The following FUBP3 variants were observed in gnomAD, a reference collection of about 807,000 sequenced individuals.
FUBP3 encodes far upstream element binding protein 3, also known as far upstream element-binding protein 3.
Under a neutral mutation model 85.6 loss-of-function variants are expected in FUBP3, and 28 were observed. The ratio of observed to expected loss-of-function variants is 0.33; its 90% CI spans 0.24 to 0.45. The LOEUF is 0.45. Ranked by LOEUF, FUBP3 falls within the 20% of genes least tolerant of loss-of-function variation. The probability of loss-of-function intolerance (pLI) is 1.00; values close to 1 mark genes in which losing one functional copy is unlikely to be tolerated. For missense variants in FUBP3, 583 were observed against 755.1 expected (o/e 0.77, Z 2.67); for synonymous variants, 271 against 271.4 (o/e 1.00, Z 0.01).
intron 5 of FUBP3, 95 bp from the exon 6 acceptor site, chr9:130,614,193 T>C: frequency 1.4e-6 from 1 of 699,188 alleles, no homozygotes; most frequent in Non-Finnish European, 2.6e-6. Flanking sequence ...TCTGCAGGGC[T>C]GGCGTAGGAA....
At chr9:130,632,632 C>G (rs1461700689) in intron 16 of FUBP3, among the ~76,000 whole-genome samples, 1 of 152,246 alleles carries the variant, frequency 6.6e-6, no homozygotes, top group African/African-American at 2.4e-5. Context: ...TTCTCCACCC[C>G]TTGAGGGGCT....
intron 3 of FUBP3, among the ~76,000 whole-genome samples, chr9:130,610,625 C>A (rs1351964195): frequency 6.6e-6 from 1 of 152,184 alleles, no homozygotes; most frequent in Non-Finnish European, 1.5e-5. Context: ...CATAGTGTAT[C>A]GCCCTTCAAA....
In FUBP3 at chr9:130,636,038, C is replaced by G; in HGVS notation, c.1622C>G (p.Pro541Arg). The G allele has an allele frequency of 1.3e-6, 2 of 1,584,314 alleles. No individual in the cohort carries two copies. Among genetic ancestry groups the G allele is most frequent in the Non-Finnish European group, 1.7e-6 (2 of 1,167,060 alleles). Residue 541 changes from proline to arginine, a missense_variant, in exon 18 of 19, where the codon CCG (proline) becomes CGG (arginine). Transcript: ENST00000319725. ...GCTGCTCCTCAGGCCAGCTCCCCAC[C>G]GGACTACACAATGGCCTGGGCAGAA... ...ASAAPQASSP[P>R]DYTMAWAEYY...
intron 2 of FUBP3, among the ~76,000 whole-genome samples, chr9:130,606,367 A>C (rs1462957103): frequency 6.6e-6 from 1 of 152,032 alleles, no homozygotes; most frequent in African/African-American, 2.4e-5. Context: ...CAGTTATAAA[A>C]ACTGGTATTC....
At position 130,587,828 on chromosome 9, in the gene FUBP3, T is replaced by C. The variant is rs116113259; in HGVS notation, c.85-7655T>C. On this transcript the variant is annotated intron_variant, in intron 1 of 18. Coordinates refer to ENST00000319725, the MANE Select transcript of FUBP3 (RefSeq NM_003934.2). ...CTCAGCTCTCATAGTGGGGAGACAG[T>C]GTAACCAACATAACATACTCGGTGA... 5.7e-3 allele frequency among the ~76,000 whole-genome samples: 863 copies of C among 152,240 alleles called. 12 individuals carry two copies. The highest frequency in any genetic ancestry group is 0.019 in the African/African-American group (801 of 41,538).
chr9:130,581,899 A>G (rs1481860955), intron 1 of FUBP3: 1 of 152,118 alleles, frequency 6.6e-6, no homozygotes, highest in African/African-American at 2.4e-5. Flanking sequence ...TGCAGTTTCT[A>G]TTAAGTTTGG....
chr9:130,613,402 G>A (rs1831849109), intron 5 of FUBP3, among the ~76,000 whole-genome samples: 1 of 152,202 alleles, frequency 6.6e-6, no homozygotes, highest in Non-Finnish European at 1.5e-5. Flanking sequence ...ATCAGGGGAG[G>A]CTCCCATGGA....
rs561638375 is a variant in FUBP3, at chr9:130,623,991, G to A, written c.975+280G>A. Among the ~76,000 whole-genome samples the A allele has an allele frequency of 1.5e-3, 229 of 151,950 alleles. 1 individual carries two copies. The highest frequency in any genetic ancestry group is 5.2e-3 in the African/African-American group (217 of 41,376). On this transcript the variant is annotated intron_variant, in intron 11 of 18. Transcript: ENST00000319725. ...TGGGGAAATACCATGGAGATTGGTC[G>A]CCAAGTTTCAAATAATCAAGTGTAT... is the stretch of plus-strand genomic sequence containing the variant.
chr9:130,621,255 A>G (rs1356267774), intron 9 of FUBP3, among the ~76,000 whole-genome samples: 1 of 151,364 alleles, frequency 6.6e-6, no homozygotes, highest in Admixed American at 6.6e-5. Flanking sequence ...AGGCTTAGGC[A>G]GGAGTACTGC....
At chr9:130,610,136 A>G in intron 3 of FUBP3, 149 bp downstream of exon 3, 2 of 649,530 alleles carry the variant, frequency 3.1e-6, no homozygotes, top group Non-Finnish European at 5.4e-6. Flanking sequence ...TTTGCTAGCC[A>G]TTTCTAAGAT....
In FUBP3 at chr9:130,626,512, G is replaced by A; in HGVS notation, c.1117+7G>A. Reference sequence around the variant, plus strand: ...GGCCTCGTCATAGGCAAAGGTAAGAGGCAGCTGGGGTTTCACATCCCCCCT... The same window carrying A: ...GGCCTCGTCATAGGCAAAGGTAAGAAGCAGCTGGGGTTTCACATCCCCCCT... On this transcript the variant is annotated splice_region_variant and intron_variant, in intron 12 of 18. Transcript: ENST00000319725. The A allele has an allele frequency of 6.2e-7, 1 of 1,613,228 alleles. No homozygotes were observed. Among genetic ancestry groups the A allele is most frequent in the Non-Finnish European group, 8.5e-7 (1 of 1,179,264 alleles).
chr9:130,614,180 G>A lies in FUBP3; in HGVS notation c.347-108G>A, dbSNP rs1588144460. 7 of 628,504 alleles carry A rather than the reference G, an allele frequency of 1.1e-5. No individual in the cohort carries two copies. The East Asian group carries it at 1.9e-4, about 17-fold the overall frequency. 38.9% of individuals were successfully genotyped at this position (628,504 alleles called of 1,614,324 possible). Reference sequence around the variant, plus strand: ...AAACTGTCTTTTTCTGGGAGCCTGGGCCTCTGCAGGGCTGGCGTAGGAAGC... The same window carrying A: ...AAACTGTCTTTTTCTGGGAGCCTGGACCTCTGCAGGGCTGGCGTAGGAAGC... On this transcript the variant is annotated intron_variant, in intron 5 of 18. Transcript: ENST00000319725.
intron 13 of FUBP3, chr9:130,631,020 C>A: frequency 1.5e-6 from 1 of 655,914 alleles, no homozygotes; most frequent in Non-Finnish European, 2.2e-6. Flanking sequence ...AAGGCCGCAG[C>A]AGCCGAGGCC....
rs1830035782 is a variant in FUBP3 at position 130,579,579 on chromosome 9, T to G, written c.-102T>G. ...CCGCCGGAAGTAGGGCGACTTTCCT[T>G]TTCCGGCTACGGGTCCCCAAGCGGA... On this transcript the variant is annotated 5_prime_UTR_variant, in exon 1 of 19. Transcript: ENST00000319725. 1.4e-6 allele frequency: 1 copy of G among 731,510 alleles called. No homozygotes were observed. The highest frequency in any genetic ancestry group is 1.9e-6 in the Non-Finnish European group (1 of 535,096). 45.3% of individuals were successfully genotyped at this position (731,510 alleles called of 1,614,324 possible). A position where few individuals can be genotyped will look rare whatever the true frequency, so the allele number is the denominator to read the frequency against.
Position 130,630,702 on chromosome 9 carries a change from A to T in FUBP3, c.1192A>T (p.Ser398Cys). The part of the protein sequence containing the change: ...VELQRNPPPN[S>C]DPNLRRFTIR... ...GCTTCAGAGGAACCCCCCTCCCAAC[A>T]GCGACCCCAACCTGCGGAGATTCAC... Residue 398 changes from serine (S) to cysteine (C), a missense_variant, in exon 13 of 19, where the codon AGC (serine) becomes TGC (cysteine). Ser to Cys is a moderately radical substitution (Grantham distance 112, BLOSUM62 -1). This residue lies in a region of FUBP3 where 404 missense variants were observed against 516.8 expected (regional missense o/e 0.78). Transcript: ENST00000319725. 6.3e-7 allele frequency: 1 copy of T among 1,596,428 alleles called. No homozygotes were observed. The highest frequency in any genetic ancestry group is 1.7e-4 in the Middle Eastern group (1 of 5,982).
Position 130,632,291 on chromosome 9 carries a change from G to A in FUBP3, c.1510+13G>A. 1 of 1,604,690 alleles carries A rather than the reference G, an allele frequency of 6.2e-7. No homozygotes were observed. Among genetic ancestry groups the A allele is most frequent in the South Asian group, 1.1e-5 (1 of 90,898 alleles). ...CAGCAGGTCCCAAGTAAGTGACTCG[G>A]GGCGGGGAGTGCATGCCCTCCAGAA... is the stretch of plus-strand genomic sequence containing the variant. On this transcript the variant is annotated intron_variant, in intron 16 of 18. Coordinates refer to ENST00000319725, the MANE Select transcript of FUBP3 (RefSeq NM_003934.2).
intron 1 of FUBP3, among the ~76,000 whole-genome samples, chr9:130,582,679 G>C (rs1830184025): frequency 6.6e-6 from 1 of 152,118 alleles, no homozygotes; most frequent in African/African-American, 2.4e-5. Context: ...GTCTGCCTAG[G>C]TTACAAGGGG....
chr9:130,631,673 T>TC, intron 14 of FUBP3, 43 bp downstream of exon 14: 1 of 1,423,404 alleles, frequency 7.0e-7, no homozygotes, highest in South Asian at 1.2e-5. Context: ...ATTCACTCGC[T>TC]CCCCAGAGAT....
intron 1 of FUBP3, among the ~76,000 whole-genome samples, 161 bp downstream of exon 1, chr9:130,579,925 G>A (rs956650544): frequency 2.0e-5 from 3 of 152,214 alleles, no homozygotes; most frequent in Admixed American, 1.3e-4. Flanking sequence ...GAGCCGGGGG[G>A]ATAAGGCGCC....
Sources: allele counts gnomAD v4.1 joint callset (sites outside exome capture counted in the v4.1 genomes callset), GRCh38; gene constraint gnomAD v4.1.1; regional missense constraint gnomAD v4.1.1; transcripts MANE v1.5; gene names NCBI Gene and HGNC (gene_info 2026-07-23, HGNC 2026-07-21).